Variants in PPP1R11 observed in about 807,000 individuals in gnomAD.
The protein encoded by PPP1R11 is protein phosphatase 1 regulatory inhibitor subunit 11.
A neutral mutation model predicts 11.3 loss-of-function variants in PPP1R11; 10 were observed. The observed-to-expected ratio is 0.88, with a 90% CI of 0.55 to 1.50. PPP1R11 has a LOEUF of 1.50. Among genes scored for constraint, PPP1R11 ranks in the 40% most tolerant of loss-of-function variants. The pLI is 0.00. For synonymous variants in PPP1R11, 56 were observed against 62.3 expected, an observed-to-expected ratio of 0.90 and a Z score of 0.48; for missense variants, 114 against 179.1, an observed-to-expected ratio of 0.64 and a Z score of 2.07.
upstream of PPP1R11, among the ~76,000 whole-genome samples, chr6:30,062,714 CTTTTTTTTT>C (rs9278555): frequency 1.4e-4 from 6 of 42,388 alleles, no homozygotes; most frequent in African/African-American, 2.0e-4. Flanking sequence ...CCACGCCTGG[CTTTTTTTTT>C]TTTTTTTTTT....
In PPP1R11 at chr6:30,069,055, A is replaced by G. The variant is rs777892350; in HGVS notation, c.179-49A>G. 7 of 1,505,586 alleles carry G rather than the reference A, an allele frequency of 4.6e-6. No individual in the cohort carries two copies. Among genetic ancestry groups the G allele is most frequent in the Non-Finnish European group, 6.4e-6 (7 of 1,085,428 alleles). 93.3% of individuals were successfully genotyped at this position (1,505,586 alleles called of 1,614,324 possible). On this transcript the variant is annotated intron_variant, in intron 2 of 2. Coordinates refer to ENST00000376772, the MANE Select transcript of PPP1R11 (RefSeq NM_021959.3). The surrounding 1 kb of genome is among the most constrained non-coding windows in gnomAD (Gnocchi z 6.6). ...TTTGAGTGGGAATGGAACTGACTAT[A>G]TATCTTACCCTTCCTCCTCTTTAAC...
chr6:30,061,856 A>G (rs373527540), upstream of PPP1R11: 112 of 1,581,682 alleles, frequency 7.1e-5, no homozygotes, highest in East Asian at 1.8e-3. This position sits in a 1 kb window ranked among gnomAD's most constrained non-coding sequence, Gnocchi z 5.0. Flanking sequence ...GGGAAAGGGG[A>G]GGTTTCCGGT....
At chr6:30,064,664 T>C, upstream of PPP1R11, 1 of 1,607,142 alleles carries the variant, frequency 6.2e-7, no homozygotes, top group Admixed American at 1.7e-5. Flanking sequence ...GTCCTTTCTT[T>C]CCTCATAGGT....
Position 30,069,381 on chromosome 6 carries a change from C to T in PPP1R11, c.*75C>T. ...CATGTGGCTACTTCTCCAGCCCCCT[C>T]CTTCCCTCTCTTCTGCCTGATAGAG... On this transcript the variant is annotated 3_prime_UTR_variant, in exon 3 of 3. Coordinates refer to ENST00000376772, the MANE Select transcript of PPP1R11 (RefSeq NM_021959.3). This position sits in a 1 kb window ranked among gnomAD's most constrained non-coding sequence, Gnocchi z 6.6. 5.2e-6 allele frequency: 6 copies of T among 1,155,680 alleles called. No individual in the cohort carries two copies. Among genetic ancestry groups the T allele is most frequent in the African/African-American group, 1.5e-5 (1 of 64,542 alleles). 71.6% of individuals were successfully genotyped at this position (1,155,680 alleles called of 1,614,324 possible). A position where few individuals can be genotyped will look rare whatever the true frequency, so the allele number is the denominator to read the frequency against.
upstream of PPP1R11, chr6:30,061,853 G>A: frequency 6.3e-7 from 1 of 1,583,572 alleles, no homozygotes; most frequent in Non-Finnish European, 8.7e-7. The surrounding 1 kb of genome is among the most constrained non-coding windows in gnomAD (Gnocchi z 5.0). Flanking sequence ...CAGGGGAAAG[G>A]GGAGGTTTCC....
the PPP1R11 span, chr6:30,061,270 T>G: frequency 2.5e-6 from 1 of 408,064 alleles, no homozygotes; most frequent in Admixed American, 4.1e-5. This position sits in a 1 kb window ranked among gnomAD's most constrained non-coding sequence, Gnocchi z 5.0. Context: ...GGCGCAGAGC[T>G]GGCGCTCTAG....
upstream of PPP1R11, chr6:30,062,114 A>T: frequency 6.9e-7 from 1 of 1,450,554 alleles, no homozygotes; most frequent in Non-Finnish European, 9.7e-7. Context: ...CCCAATTCCA[A>T]GAGGGAAAAG....
chr6:30,067,184 G>A (rs1765601317), upstream of PPP1R11: 4 of 488,816 alleles, frequency 8.2e-6, no homozygotes, highest in Non-Finnish European at 1.5e-5. Context: ...GGAAAAAGGG[G>A]GACTGCAGTA....
upstream of PPP1R11, among the ~76,000 whole-genome samples, chr6:30,063,237 G>T (rs1765258696): frequency 6.6e-6 from 1 of 151,652 alleles, no homozygotes; most frequent in Non-Finnish European, 1.5e-5. The surrounding 1 kb of genome is among the most constrained non-coding windows in gnomAD (Gnocchi z 4.1). Flanking sequence ...TCACATTCTG[G>T]ACCTCGAATT....
chr6:30,068,572 T>C lies in PPP1R11; in HGVS notation c.70-18T>C, dbSNP rs1407192352. 6.2e-7 allele frequency: 1 copy of C among 1,603,490 alleles called. No homozygotes were observed. The highest frequency in any genetic ancestry group is 1.3e-5 in the African/African-American group (1 of 74,672). On this transcript the variant is annotated intron_variant, in intron 1 of 2. Coordinates refer to ENST00000376772, the MANE Select transcript of PPP1R11 (RefSeq NM_021959.3). The stretch of plus-strand genomic sequence containing the variant: ...GTAAGAGGGGACTAGATAGGTATGC[T>C]CATCCTTAACCTTCTAGGAGAACCG...
At chr6:30,062,444 T>A, upstream of PPP1R11, 1 of 700,892 alleles carries the variant, frequency 1.4e-6, no homozygotes, top group South Asian at 1.6e-5. Flanking sequence ...CCCTTATTTC[T>A]GTGCAGTTCT....
upstream of PPP1R11, chr6:30,062,036 G>C (rs1322827986): frequency 6.2e-7 from 1 of 1,606,966 alleles, no homozygotes; most frequent in East Asian, 2.2e-5. Flanking sequence ...ATGAGATCAA[G>C]AACTGGCTCC....
rs748333464 is a variant in PPP1R11 at position 30,068,592 on chromosome 6, G to A, written c.72G>A (p.Glu24=). 3.1e-6 allele frequency: 5 copies of A among 1,611,746 alleles called. No homozygotes were observed. The highest frequency in any genetic ancestry group is 1.8e-4 in the Middle Eastern group (1 of 5,514). ...TATGCTCATCCTTAACCTTCTAGGA[G>A]AACCGGAGCCTTACCATCAAACTTC... ...ETTVTVTTEP[E]NRSLTIKLRK... Residue 24 remains glutamate, a splice_region_variant and synonymous_variant, in exon 2 of 3, where the codon GAG becomes GAA. Transcript: ENST00000376772.
rs750878665 is a variant in PPP1R11, at chr6:30,067,474, G to A, written c.64G>A (p.Glu22Lys). 7 of 1,613,910 alleles carry A rather than the reference G, an allele frequency of 4.3e-6. No homozygotes were observed. The highest frequency in any genetic ancestry group is 2.2e-5 in the East Asian group (1 of 44,888). The change falls in exon 1 of 3, where the codon GAG becomes AAG. Residue 22 changes from glutamate (E) to lysine (K), a missense_variant. Coordinates refer to ENST00000376772, the MANE Select transcript of PPP1R11 (RefSeq NM_021959.3). The part of the protein sequence containing the change: ...VTETTVTVTT[E>K]PENRSLTIKL... ...TGAGACAACGGTTACCGTGACAACC[G>A]AGCCCGTGAGAAAGGCGGGGGGGCG... is the stretch of plus-strand genomic sequence containing the variant.
chr6:30,062,225 T>A, upstream of PPP1R11: 6 of 1,612,652 alleles, frequency 3.7e-6, no homozygotes, highest in Non-Finnish European at 5.1e-6. Context: ...TCTTCCCAGG[T>A]TGACAGGCGC....
upstream of PPP1R11, among the ~76,000 whole-genome samples, chr6:30,064,122 A>C (rs1765322171): frequency 6.6e-6 from 1 of 152,180 alleles, no homozygotes; most frequent in African/African-American, 2.4e-5. Context: ...GTCACGTTTC[A>C]TAGGGACATT....
rs530304715 is a variant in PPP1R11 at position 30,069,290 on chromosome 6, G to T, written c.365G>T (p.Gly122Val). 35 of 1,602,078 alleles carry T rather than the reference G, an allele frequency of 2.2e-5. No homozygotes were observed. The highest frequency in any genetic ancestry group is 2.8e-5 in the Non-Finnish European group (33 of 1,172,872). The change falls in exon 3 of 3, where the codon GGG (glycine) becomes GTG (valine). Residue 122 changes from glycine (G) to valine (V), a missense_variant. Gly to Val is a moderately radical substitution (Grantham distance 109). Coordinates refer to ENST00000376772, the MANE Select transcript of PPP1R11 (RefSeq NM_021959.3). This position sits in a 1 kb window ranked among gnomAD's most constrained non-coding sequence, Gnocchi z 6.6. ...QPPDPSQPPP[G>V]PMQH ...CCTGACCCTTCCCAGCCCCCTCCAG[G>T]GCCAATGCAGCACTAAATCCCTCTC... is the stretch of plus-strand genomic sequence containing the variant.
chr6:30,064,992 G>T, upstream of PPP1R11: 2 of 319,842 alleles, frequency 6.3e-6, no homozygotes, highest in Non-Finnish European at 1.1e-5. Context: ...AAAAGAAAAG[G>T]GGGAAAAATT....
At chr6:30,061,918 C>T (rs1765109134), upstream of PPP1R11, 4 of 1,613,054 alleles carry the variant, frequency 2.5e-6, no homozygotes, top group Non-Finnish European at 2.5e-6. The surrounding 1 kb of genome is among the most constrained non-coding windows in gnomAD (Gnocchi z 5.0). Flanking sequence ...CCTGTGCAGA[C>T]TTTGAGGGGA....
Sources: gnomAD v4.1 joint callset for allele counts (sites outside exome capture counted in the v4.1 genomes callset) on GRCh38, gnomAD v4.1.1 for gene constraint, Gnocchi (gnomAD v3.1) non-coding constraint, MANE v1.5 for transcripts, NCBI Gene and HGNC (gene_info 2026-07-23, HGNC 2026-07-21) for gene names.